Variants in RSF1 observed in about 807,000 individuals in gnomAD.
RSF1 encodes HBV pX-associated protein 8.
A neutral mutation model predicts 145.2 loss-of-function variants in RSF1; 13 were observed. The ratio of observed to expected loss-of-function variants is 0.09; its 90% CI spans 0.06 to 0.14. The LOEUF is 0.14. Ranked by LOEUF, RSF1 falls within the 10% of genes least tolerant of loss-of-function variation. The pLI is 1.00. For missense variants in RSF1, 1,517 were observed against 1,718.2 expected (o/e 0.88, Z 2.07); for synonymous variants, 577 against 592.6 (o/e 0.97, Z 0.38).
the RSF1 span, chr11:77,868,753 G>T: frequency 4.3e-6 from 1 of 234,418 alleles, no homozygotes; most frequent in East Asian, 1.1e-4. Flanking sequence ...CAGCAACTCA[G>T]GCTCCTTCCC....
At position 77,666,179 on chromosome 11, in the gene RSF1, G is replaced by A. The variant is rs1245142415; in HGVS notation, c.*738C>T. The A allele has an allele frequency of 6.6e-6, 1 of 152,058 alleles. No individual in the cohort carries two copies. 9.4% of individuals were successfully genotyped at this position (152,058 alleles called of 1,614,324 possible). A position where few individuals can be genotyped will look rare whatever the true frequency, so the allele number is the denominator to read the frequency against. On this transcript the variant is annotated 3_prime_UTR_variant, in exon 16 of 16. Coordinates refer to ENST00000308488, the MANE Select transcript of RSF1 (RefSeq NM_016578.4). ...TAAAGCTTATTTAAAAAAATTTGTTGCTAGCACAGTCTGGTTGGCAAAGCT... is the reference window on the plus strand; with the variant it reads ...TAAAGCTTATTTAAAAAAATTTGTTACTAGCACAGTCTGGTTGGCAAAGCT...
At chr11:77,783,654 C>A (rs1319236431) in intron 1 of RSF1, among the ~76,000 whole-genome samples, 1 of 152,004 alleles carries the variant, frequency 6.6e-6, no homozygotes, top group African/African-American at 2.4e-5. Context: ...CCAGCCTGGG[C>A]AACACAGCGA....
intron 1 of RSF1, among the ~76,000 whole-genome samples, chr11:77,790,402 T>A (rs623907): frequency 0.21 from 31,805 of 151,936 alleles, 3,409 homozygotes; most frequent in Middle Eastern, 0.24. Context: ...CCACAACACA[T>A]GGTAATTCAA....
At chr11:77,821,138 G>A (rs1264976948), upstream of RSF1, 3 of 405,542 alleles carry the variant, frequency 7.4e-6, no homozygotes, top group Non-Finnish European at 1.3e-5. Context: ...CGTATTCCCG[G>A]AGGGCAGTTG....
the RSF1 span, among the ~76,000 whole-genome samples, chr11:77,835,710 G>C: frequency 7.2e-5 from 11 of 152,110 alleles, no homozygotes; most frequent in African/African-American, 2.7e-4. Flanking sequence ...CTTGAGATCA[G>C]GAATTTGAGA....
chr11:77,777,106 T>C (rs971515415), intron 1 of RSF1, among the ~76,000 whole-genome samples: 3 of 152,208 alleles, frequency 2.0e-5, no homozygotes, highest in East Asian at 3.8e-4. Flanking sequence ...AGACTTTTTT[T>C]CTTCTCCAAT....
At chr11:77,711,456 C>G (rs1590844592) in intron 5 of RSF1, among the ~76,000 whole-genome samples, 1 of 152,194 alleles carries the variant, frequency 6.6e-6, no homozygotes, top group South Asian at 2.1e-4. Flanking sequence ...ATCACAAGGT[C>G]AGGAGTTTGA....
chr11:77,707,781 T>C (rs772273503), intron 5 of RSF1, among the ~76,000 whole-genome samples: 3 of 152,234 alleles, frequency 2.0e-5, no homozygotes, highest in Non-Finnish European at 4.4e-5. Context: ...TGCTTTACAC[T>C]TGGAAACCTC....
chr11:77,811,759 A>G (rs908361319), intron 1 of RSF1, among the ~76,000 whole-genome samples: 1 of 152,244 alleles, frequency 6.6e-6, no homozygotes, highest in Non-Finnish European at 1.5e-5. Flanking sequence ...AACAGACTCA[A>G]TATAACTTGG....
chr11:77,681,465 T>G (rs1959859781), intron 11 of RSF1, among the ~76,000 whole-genome samples: 1 of 152,128 alleles, frequency 6.6e-6, no homozygotes, highest in South Asian at 2.1e-4. Flanking sequence ...ACCCTCTCTC[T>G]TACAGAGTCT....
the RSF1 span, among the ~76,000 whole-genome samples, chr11:77,854,889 C>T: frequency 6.6e-6 from 1 of 152,226 alleles, no homozygotes; most frequent in Non-Finnish European, 1.5e-5. Flanking sequence ...CAGCAGACTT[C>T]TGCCTGGACA....
chr11:77,773,025 T>C (rs1047509950), intron 1 of RSF1, among the ~76,000 whole-genome samples: 3 of 152,196 alleles, frequency 2.0e-5, no homozygotes, highest in African/African-American at 7.2e-5. Context: ...TGATATTGGG[T>C]TGTTTCTGTC....
intron 2 of RSF1, among the ~76,000 whole-genome samples, chr11:77,750,833 T>C (rs1024950530): frequency 5.9e-5 from 9 of 152,236 alleles, no homozygotes; most frequent in Non-Finnish European, 1.5e-5. Context: ...CATTATTCTA[T>C]AATACTTGTT....
rs755685767 is a variant in RSF1, at chr11:77,667,356, G to A, written c.3887C>T (p.Ser1296Phe). The stretch of plus-strand genomic sequence containing the variant: ...CTCAATCCGGTGTAGCCGTTTGCGG[G>A]ATGGTTTGCCTTCCTCTTCCTCCTC... Reference protein sequence around the residue: ...EEEEEEEGKPSRKRLHRIETD... With the variant: ...EEEEEEEGKPFRKRLHRIETD... Residue 1296 changes from serine to phenylalanine, a missense_variant, in exon 16 of 16, where the codon TCC becomes TTC. Ser to Phe is a radical substitution (Grantham distance 155, BLOSUM62 -2). Transcript: ENST00000308488. 2 of 1,613,926 alleles carry A rather than the reference G, an allele frequency of 1.2e-6. No individual in the cohort carries two copies. The highest frequency in any genetic ancestry group is 1.7e-6 in the Non-Finnish European group (2 of 1,179,918).
chr11:77,774,972 T>C (rs1165362291), intron 1 of RSF1, among the ~76,000 whole-genome samples: 1 of 150,778 alleles, frequency 6.6e-6, no homozygotes, highest in Non-Finnish European at 1.5e-5. Flanking sequence ...TTCACTATGT[T>C]GGCCAGGCTG....
intron 15 of RSF1, 107 bp downstream of exon 15, chr11:77,671,935 G>T: frequency 3.7e-6 from 4 of 1,067,194 alleles, no homozygotes; most frequent in Non-Finnish European, 5.3e-6. Flanking sequence ...TGCCTGGCCT[G>T]GTTATATGAG....
At chr11:77,702,754 G>A (rs2135855793) in intron 5 of RSF1, 1 of 285,046 alleles carries the variant, frequency 3.5e-6, no homozygotes, top group Admixed American at 5.1e-5. Context: ...TGTTCTCAAT[G>A]GATTGCAAAT....
At position 77,719,645 on chromosome 11, in the gene RSF1, T is replaced by A. The variant is rs1308711539; in HGVS notation, c.733+5900A>T. Reference sequence around the variant, plus strand: ...ACATATGTTCCCTCAAAAATTTGTATATTAACATTCACCGCTGCATTATCT... The same window carrying A: ...ACATATGTTCCCTCAAAAATTTGTAAATTAACATTCACCGCTGCATTATCT... On this transcript the variant is annotated intron_variant, in intron 5 of 15. Coordinates refer to ENST00000308488, the MANE Select transcript of RSF1 (RefSeq NM_016578.4). 2.6e-5 allele frequency among the ~76,000 whole-genome samples: 4 copies of A among 152,338 alleles called. No homozygotes were observed. In the East Asian group the frequency reaches 7.7e-4, roughly 29 times the overall value.
At chr11:77,862,061 A>G in the RSF1 span, among the ~76,000 whole-genome samples, 1 of 152,160 alleles carries the variant, frequency 6.6e-6, no homozygotes. Flanking sequence ...GACATAATTG[A>G]ATAATTCATA....
Sources: allele counts gnomAD v4.1 joint callset (sites outside exome capture counted in the v4.1 genomes callset), GRCh38; gene constraint gnomAD v4.1.1; transcripts MANE v1.5; gene names NCBI Gene and HGNC (gene_info 2026-07-23, HGNC 2026-07-21).